Variants in BCO2 observed in about 807,000 individuals in gnomAD.
BCO2 encodes the protein beta-carotene oxygenase 2, also known as carotenoid-cleaving dioxygenase, mitochondrial.
In BCO2, 56 loss-of-function variants were observed where a neutral mutation model predicts 65.8. The ratio of observed to expected loss-of-function variants is 0.85; its 90% CI spans 0.69 to 1.06. The LOEUF (loss-of-function observed/expected upper bound fraction) is 1.06. Ranked by LOEUF, BCO2 falls within the 50% of genes least tolerant of loss-of-function variation. The probability of loss-of-function intolerance (pLI) is 0.00; values close to 1 mark genes in which losing one functional copy is unlikely to be tolerated. For missense variants in BCO2, 675 were observed against 698.5 expected, an observed-to-expected ratio of 0.97 and a Z score of 0.38; for synonymous variants, 233 against 242.3, an observed-to-expected ratio of 0.96 and a Z score of 0.36.
intron 2 of BCO2, among the ~76,000 whole-genome samples, chr11:112,192,548 CTTAT>C (rs1360438434): frequency 1.3e-5 from 2 of 151,958 alleles, no homozygotes; most frequent in African/African-American, 2.4e-5. Flanking sequence ...GGACAGTTAT[CTTAT>C]TTGTCTACTT....
chr11:112,188,271 C>T (rs1255524005), intron 2 of BCO2, among the ~76,000 whole-genome samples: 1 of 152,240 alleles, frequency 6.6e-6, no homozygotes, highest in Non-Finnish European at 1.5e-5. Context: ...CTCTTTGTCG[C>T]TGTCTACATC....
rs549299518 is a variant in BCO2 at position 112,185,670 on chromosome 11, C to A, written c.293+6188C>A. Among the ~76,000 whole-genome samples the A allele has an allele frequency of 1.2e-4, 19 of 152,130 alleles. 1 individual carries two copies. The South Asian group carries it at 2.7e-3, about 22-fold the overall frequency. On this transcript the variant is annotated intron_variant, in intron 2 of 11. Coordinates refer to ENST00000357685, the MANE Select transcript of BCO2 (RefSeq NM_031938.7). ...TAATAAAACTTCACACTATCATAAG[C>A]CTTTTTATCCATGTTGCTACCAAGT...
intron 8 of BCO2, chr11:112,208,654 G>C: frequency 4.5e-6 from 1 of 220,590 alleles, no homozygotes; most frequent in Admixed American, 4.8e-5. Flanking sequence ...CAAGCCACAT[G>C]CTCCATTAAT....
intron 8 of BCO2, among the ~76,000 whole-genome samples, chr11:112,206,577 G>A (rs1159426871): frequency 6.6e-6 from 1 of 152,138 alleles, no homozygotes. Context: ...TGGGCAAGAT[G>A]GCAAGACCTC....
chr11:112,181,514 T>G, intron 2 of BCO2: 1 of 730,746 alleles, frequency 1.4e-6, no homozygotes, highest in South Asian at 1.4e-5. Flanking sequence ...CCTGAGTACT[T>G]TGAACCCATT....
chr11:112,197,501 C>T (rs1867613455), intron 5 of BCO2, among the ~76,000 whole-genome samples: 1 of 151,036 alleles, frequency 6.6e-6, no homozygotes, highest in Admixed American at 6.6e-5. Flanking sequence ...TGAGTCGTGA[C>T]TGCACCACTG....
At chr11:112,195,883 G>A (rs1867559851) in intron 5 of BCO2, among the ~76,000 whole-genome samples, 1 of 152,152 alleles carries the variant, frequency 6.6e-6, no homozygotes, top group Non-Finnish European at 1.5e-5. Flanking sequence ...ACTGAAAAGG[G>A]GCCAAGAATT....
intron 1 of BCO2, among the ~76,000 whole-genome samples, chr11:112,178,629 A>G (rs1381582953): frequency 2.0e-5 from 3 of 152,242 alleles, no homozygotes; most frequent in Admixed American, 2.0e-4. Context: ...TCCTTATTAT[A>G]CAACTATGAT....
chr11:112,186,232 G>A (rs567512312), intron 2 of BCO2, among the ~76,000 whole-genome samples: 3 of 152,346 alleles, frequency 2.0e-5, no homozygotes, highest in Admixed American at 1.3e-4. Context: ...GTAATGTATT[G>A]TTCAAACCAA....
chr11:112,215,098 G>T, intron 10 of BCO2, 154 bp downstream of exon 10: 1 of 713,388 alleles, frequency 1.4e-6, no homozygotes, highest in South Asian at 1.8e-5. Context: ...ATCTAAGTTA[G>T]GGGTATGTTC....
intron 11 of BCO2, 108 bp from the exon 12 acceptor site, chr11:112,217,653 G>T: frequency 1.4e-6 from 1 of 727,948 alleles, no homozygotes. Flanking sequence ...GAGCCACTGT[G>T]CCTGACCAAC....
At chr11:112,200,876 GA>G in intron 7 of BCO2, 103 bp downstream of exon 7, 3 of 1,268,634 alleles carry the variant, frequency 2.4e-6, no homozygotes, top group Non-Finnish European at 3.4e-6. Flanking sequence ...AAGTGCATAA[GA>G]CACTTTTAAT....
chr11:112,188,235 C>T (rs970679514), intron 2 of BCO2, among the ~76,000 whole-genome samples: 6 of 152,248 alleles, frequency 3.9e-5, no homozygotes, highest in Admixed American at 2.0e-4. Flanking sequence ...GCCAGCCAGT[C>T]ATTCAGGTCC....
chr11:112,179,606 AAG>A (rs1482758070), intron 2 of BCO2, 124 bp downstream of exon 2: 1 of 866,392 alleles, frequency 1.2e-6, no homozygotes, highest in Admixed American at 2.4e-5. Context: ...ATTACAGATA[AAG>A]AAACTGTAGC....
Position 112,179,329 on chromosome 11 carries a change from A to T in BCO2, c.140A>T (p.Gln47Leu). 6.2e-7 allele frequency: 1 copy of T among 1,614,218 alleles called. No individual in the cohort carries two copies. The highest frequency in any genetic ancestry group is 2.2e-5 in the East Asian group (1 of 44,888). Residue 47 changes from glutamine to leucine, a missense_variant, in exon 2 of 12, where the codon CAG becomes CTG. Coordinates refer to ENST00000357685, the MANE Select transcript of BCO2 (RefSeq NM_031938.7). ...CCTCAGAAAAAAGCCGTCTTTGGGCAGTGTCGGGGTCTGCCATGTGTTGCA... is the reference window on the plus strand; with the variant it reads ...CCTCAGAAAAAAGCCGTCTTTGGGCTGTGTCGGGGTCTGCCATGTGTTGCA... ...NTPQKKAVFG[Q>L]CRGLPCVAPL...
At chr11:112,181,866 C>T in intron 2 of BCO2, 2 of 957,716 alleles carry the variant, frequency 2.1e-6, no homozygotes, top group Non-Finnish European at 3.4e-6. Context: ...TGAACGAGCT[C>T]ATCTCTCTGG....
chr11:112,180,210 T>G (rs1866996329), intron 2 of BCO2, among the ~76,000 whole-genome samples: 1 of 152,256 alleles, frequency 6.6e-6, no homozygotes, highest in Admixed American at 6.5e-5. Context: ...TGGATTTGTC[T>G]TAGTACTCAG....
At chr11:112,201,951 G>A in intron 7 of BCO2, 72 bp from the exon 8 acceptor site, 1 of 1,373,354 alleles carries the variant, frequency 7.3e-7, no homozygotes, top group Non-Finnish European at 9.7e-7. Context: ...TTTTGGACCT[G>A]TTTCCTAAAG....
Position 112,216,325 on chromosome 11 carries a change from A to G in BCO2, c.1621A>G (p.Asn541Asp). The G allele has an allele frequency of 6.2e-7, 1 of 1,611,470 alleles. No individual in the cohort carries two copies. The highest frequency in any genetic ancestry group is 8.5e-7 in the Non-Finnish European group (1 of 1,177,580). ...GVILSVVITP[N>D]QNESNFILVL... ...TATTCTTTCTGTGGTGATCACTCCC[A>G]ACCAGGTAAATATATTTCCCTATCA... The change falls in exon 11 of 12, where the codon AAC (asparagine) becomes GAC (aspartate). Residue 541 changes from asparagine (N) to aspartate (D), a missense_variant. Asn to Asp is a conservative substitution (Grantham distance 23). Transcript: ENST00000357685.
Sources: allele counts gnomAD v4.1 joint callset (sites outside exome capture counted in the v4.1 genomes callset), GRCh38; gene constraint gnomAD v4.1.1; transcripts MANE v1.5; gene names NCBI Gene and HGNC (gene_info 2026-07-23, HGNC 2026-07-21).